UEVLD: variants seen among roughly 807,000 people sequenced by gnomAD.
UEVLD encodes the protein UEV and lactate/malate dehyrogenase domains, also known as ubiquitin-conjugating enzyme E2 variant 3.
In UEVLD, 47 loss-of-function variants were observed where a neutral mutation model predicts 58.6. The ratio of observed to expected loss-of-function variants is 0.80; its 90% CI spans 0.63 to 1.02. The LOEUF is 1.02. Ranked by LOEUF, UEVLD falls within the 50% of genes least tolerant of loss-of-function variation. UEVLD has a pLI of 0.00. For synonymous variants in UEVLD, 197 were observed against 195.3 expected (o/e 1.01, Z -0.07); for missense variants, 510 against 550.6 (o/e 0.93, Z 0.74).
intron 6 of UEVLD, among the ~76,000 whole-genome samples, chr11:18,562,536 C>G (rs1852091067): frequency 6.6e-6 from 1 of 150,660 alleles, no homozygotes; most frequent in African/African-American, 2.4e-5. Context: ...AGCGAGACTC[C>G]ATCTCCAAAG....
At chr11:18,534,899 C>G (rs896935074) in intron 10 of UEVLD, among the ~76,000 whole-genome samples, 5 of 152,156 alleles carry the variant, frequency 3.3e-5, no homozygotes, top group Non-Finnish European at 7.3e-5. Context: ...ATTTATCTTA[C>G]AGCAGTATGC....
chr11:18,579,908 T>C (rs187803432), intron 1 of UEVLD, among the ~76,000 whole-genome samples: 2 of 152,236 alleles, frequency 1.3e-5, no homozygotes, highest in Admixed American at 6.5e-5. Flanking sequence ...CAGAACATTG[T>C]TGAAAAAAAT....
intron 1 of UEVLD, among the ~76,000 whole-genome samples, chr11:18,582,147 A>G (rs969590721): frequency 1.3e-5 from 2 of 152,126 alleles, no homozygotes; most frequent in African/African-American, 4.8e-5. Context: ...ATTTTCCACT[A>G]TTTTTTACAT....
intron 9 of UEVLD, 113 bp downstream of exon 9, chr11:18,544,510 G>A: frequency 8.8e-7 from 1 of 1,138,458 alleles, no homozygotes; most frequent in South Asian, 1.5e-5. Flanking sequence ...GTCTTGCTAT[G>A]TTGCCCAGGC....
intron 11 of UEVLD, 143 bp downstream of exon 11, chr11:18,534,187 T>C: frequency 1.7e-6 from 1 of 586,426 alleles, no homozygotes; most frequent in Non-Finnish European, 2.6e-6. Flanking sequence ...GGGCTTAAAC[T>C]AAACTGCCTT....
At chr11:18,585,561 A>G (rs1292733111) in intron 1 of UEVLD, among the ~76,000 whole-genome samples, 1 of 152,004 alleles carries the variant, frequency 6.6e-6, no homozygotes, top group Non-Finnish European at 1.5e-5. Flanking sequence ...TGCCACACTA[A>G]ATTTTACTTG....
intron 9 of UEVLD, among the ~76,000 whole-genome samples, chr11:18,538,320 A>G (rs945655476): frequency 6.9e-6 from 1 of 145,096 alleles, no homozygotes; most frequent in Non-Finnish European, 1.5e-5. Context: ...ACTGTGACCC[A>G]GGATGGATTG....
intron 4 of UEVLD, among the ~76,000 whole-genome samples, chr11:18,568,365 C>T (rs975927234): frequency 6.6e-6 from 1 of 152,138 alleles, no homozygotes; most frequent in East Asian, 1.9e-4. Context: ...TGTCAAAATA[C>T]TACTCGAGGA....
Position 18,544,813 on chromosome 11 carries a change from A to C in UEVLD, c.887-17T>G, listed in dbSNP as rs899683257. On this transcript the variant is annotated splice_polypyrimidine_tract_variant and intron_variant, in intron 8 of 11. Coordinates refer to ENST00000396197, the MANE Select transcript of UEVLD (RefSeq NM_001040697.4). ...TGATTTCCACTAAATATTGCATACA[A>C]GGTAAAAAATGTAAAGGTTAAAAAA... 1 of 1,507,716 alleles carries C rather than the reference A, an allele frequency of 6.6e-7. No individual in the cohort carries two copies. Among genetic ancestry groups the C allele is most frequent in the African/African-American group, 1.5e-5 (1 of 68,814 alleles). 93.4% of individuals were successfully genotyped at this position (1,507,716 alleles called of 1,614,324 possible).
chr11:18,536,976 A>G (rs1213036779), intron 9 of UEVLD, among the ~76,000 whole-genome samples: 1 of 148,538 alleles, frequency 6.7e-6, no homozygotes, highest in Non-Finnish European at 1.5e-5. Flanking sequence ...GCTCACTGCA[A>G]CCTCTGCCTC....
At chr11:18,558,782 CA>C (rs760975470) in intron 6 of UEVLD, among the ~76,000 whole-genome samples, 459 of 118,026 alleles carry the variant, frequency 3.9e-3, no homozygotes, top group South Asian at 5.3e-3. Context: ...GACTCTATCT[CA>C]AAAAAAAAAA....
At chr11:18,566,868 A>G (rs934604279) in intron 4 of UEVLD, among the ~76,000 whole-genome samples, 3 of 152,368 alleles carry the variant, frequency 2.0e-5, no homozygotes, top group African/African-American at 7.2e-5. Flanking sequence ...GAAAAATAGC[A>G]TGAATATGCT....
At chr11:18,571,812 T>A (rs1852629708) in intron 3 of UEVLD, among the ~76,000 whole-genome samples, 1 of 152,012 alleles carries the variant, frequency 6.6e-6, no homozygotes, top group East Asian at 1.9e-4. Flanking sequence ...GTAGCACATA[T>A]CTGTAGTCCT....
chr11:18,565,090 G>T, intron 5 of UEVLD, 80 bp from the exon 6 acceptor site: 2 of 1,022,730 alleles, frequency 2.0e-6, no homozygotes. Context: ...ATATATAGCA[G>T]GCTTCATAGC....
At chr11:18,548,616 G>A (rs570454390) in intron 7 of UEVLD, among the ~76,000 whole-genome samples, 9 of 152,110 alleles carry the variant, frequency 5.9e-5, no homozygotes, top group African/African-American at 1.4e-4. Flanking sequence ...TAGTAGAGAC[G>A]GGGTTTCTAC....
At chr11:18,540,576 G>A (rs1433315840) in intron 9 of UEVLD, among the ~76,000 whole-genome samples, 1 of 152,186 alleles carries the variant, frequency 6.6e-6, no homozygotes, top group Non-Finnish European at 1.5e-5. Context: ...GAACTACATA[G>A]TTAACTTCAG....
chr11:18,536,416 G>A lies in UEVLD; in HGVS notation c.1114C>T (p.Leu372=). The change falls in exon 10 of 12, where the codon CTG becomes TTG. Residue 372 remains leucine (L), a synonymous_variant. Coordinates refer to ENST00000396197, the MANE Select transcript of UEVLD (RefSeq NM_001040697.4). ...TCCAGTCAGTGTTACCTGTTGGACA[G>A]CTGCACTTGAGAGGTATGACTCACT... ...EVVSHTSQVQ[L]SNRAMELLRV... is the part of the protein sequence containing the mutation. 1 of 1,613,748 alleles carries A rather than the reference G, an allele frequency of 6.2e-7. No individual in the cohort carries two copies. The highest frequency in any genetic ancestry group is 8.5e-7 in the Non-Finnish European group (1 of 1,179,798).
chr11:18,546,911 T>A lies in UEVLD; in HGVS notation c.855A>T (p.Gln285His). The change falls in exon 8 of 12, where the codon CAA becomes CAT. Residue 285 changes from glutamine to histidine, a missense_variant. Coordinates refer to ENST00000396197, the MANE Select transcript of UEVLD (RefSeq NM_001040697.4). ...GAGATGCAACGAGCAGGACACTGTG[T>A]TGACTATAATGTCCCAGAGCTGGGA... is the stretch of plus-strand genomic sequence containing the variant. ...ALVPALGHYS[Q>H]HSVLLVASQP... 1 of 1,613,940 alleles carries A rather than the reference T, an allele frequency of 6.2e-7. No individual in the cohort carries two copies. Among genetic ancestry groups the A allele is most frequent in the South Asian group, 1.1e-5 (1 of 91,028 alleles).
At chr11:18,540,342 A>G (rs1226926924) in intron 9 of UEVLD, among the ~76,000 whole-genome samples, 1 of 152,254 alleles carries the variant, frequency 6.6e-6, no homozygotes, top group East Asian at 1.9e-4. Context: ...ATAAAAAATA[A>G]TTATAATTGC....
Sources: gnomAD v4.1 joint callset for allele counts (sites outside exome capture counted in the v4.1 genomes callset) on GRCh38, gnomAD v4.1.1 for gene constraint, MANE v1.5 for transcripts, NCBI Gene and HGNC (gene_info 2026-07-23, HGNC 2026-07-21) for gene names.